Variants in ADGRL3 observed in about 807,000 individuals in gnomAD.
ADGRL3 encodes calcium-independent alpha-latrotoxin receptor 3.
In ADGRL3, 62 loss-of-function variants were observed where a neutral mutation model predicts 153.5. The observed-to-expected ratio is 0.40, with a 90% CI of 0.33 to 0.50. The LOEUF is 0.50. ADGRL3 is among the 20% of genes least tolerant of loss of function. The probability of loss-of-function intolerance (pLI) is 0.47; values close to 1 mark genes in which losing one functional copy is unlikely to be tolerated. For missense variants in ADGRL3, 1,641 were observed against 1,859.4 expected, an observed-to-expected ratio of 0.88 and a Z score of 2.16; for synonymous variants, 710 against 672.5, an observed-to-expected ratio of 1.06 and a Z score of -0.86.
rs549934748 is a variant in ADGRL3, at chr4:62,070,717, T to G, written c.4441T>G (p.Cys1481Gly). The G allele has an allele frequency of 1.1e-5, 17 of 1,551,460 alleles. No individual in the cohort carries two copies. Among genetic ancestry groups the G allele is most frequent in the African/African-American group, 1.4e-5 (1 of 73,122 alleles). ...CCAGACCGAACCCCCACCGGCCAAA[T>G]GTGGTGATGCCGAAGATGTTTACTA... ...STQTEPPPAKCGDAEDVYYKS... is the reference protein window; with the variant it reads ...STQTEPPPAKGGDAEDVYYKS... The change falls in exon 27 of 27, where the codon TGT becomes GGT. Residue 1481 changes from cysteine (C) to glycine (G), a missense_variant. Cys to Gly is a radical substitution (Grantham distance 159). Coordinates refer to ENST00000683033, the MANE Select transcript of ADGRL3 (RefSeq NM_001387552.1).
At chr4:61,641,555 C>A (rs1157256022) in intron 5 of ADGRL3, among the ~76,000 whole-genome samples, 1 of 149,890 alleles carries the variant, frequency 6.7e-6, no homozygotes, top group Non-Finnish European at 1.5e-5. Context: ...TTTGTTCTTG[C>A]GATAGTTTAC....
At chr4:61,392,666 C>T (rs1476214594) in intron 2 of ADGRL3, among the ~76,000 whole-genome samples, 4 of 60,160 alleles carry the variant, frequency 6.6e-5, no homozygotes, top group African/African-American at 2.3e-4. Context: ...AGCCTGGTGA[C>T]AGAGCGAGAC....
intron 6 of ADGRL3, among the ~76,000 whole-genome samples, chr4:61,678,163 T>C (rs1423460389): frequency 6.6e-6 from 1 of 151,964 alleles, no homozygotes; most frequent in Non-Finnish European, 1.5e-5. Context: ...ACTAGTGATA[T>C]TTTAAGGAAA....
At chr4:61,833,350 T>C (rs1237295795) in intron 9 of ADGRL3, among the ~76,000 whole-genome samples, 3 of 152,122 alleles carry the variant, frequency 2.0e-5, no homozygotes, top group Non-Finnish European at 4.4e-5. Flanking sequence ...GACAGGGGAA[T>C]TGCAATAGAG....
intron 9 of ADGRL3, among the ~76,000 whole-genome samples, chr4:61,857,006 T>TCTC (rs2098280289): frequency 6.2e-5 from 7 of 112,628 alleles, no homozygotes; most frequent in African/African-American, 1.4e-4. Context: ...CTTTCTTTCT[T>TCTC]TCTTTCTTTC....
At chr4:61,522,556 C>T (rs1251344680) in intron 4 of ADGRL3, among the ~76,000 whole-genome samples, 2 of 152,062 alleles carry the variant, frequency 1.3e-5, no homozygotes, top group Non-Finnish European at 2.9e-5. Context: ...CTGTTAGGAG[C>T]AGGAAAAGGG....
intron 9 of ADGRL3, among the ~76,000 whole-genome samples, chr4:61,843,268 G>A (rs1048692940): frequency 1.3e-5 from 2 of 152,152 alleles, no homozygotes; most frequent in African/African-American, 2.4e-5. Flanking sequence ...ATGTAGGAGA[G>A]GCTGATAATG....
intron 21 of ADGRL3, among the ~76,000 whole-genome samples, chr4:62,019,170 C>A (rs931311230): frequency 6.6e-6 from 1 of 152,068 alleles, no homozygotes; most frequent in Admixed American, 6.5e-5. Flanking sequence ...ATTTTTAAAT[C>A]CTTTATATAT....
intron 25 of ADGRL3, among the ~76,000 whole-genome samples, chr4:62,061,521 G>A (rs566826988): frequency 8.6e-5 from 13 of 151,856 alleles, no homozygotes; most frequent in Non-Finnish European, 1.6e-4. Context: ...GTAAGTTCAT[G>A]TTTACACCAT....
At chr4:61,980,764 T>C (rs1233247739) in intron 18 of ADGRL3, among the ~76,000 whole-genome samples, 1 of 152,088 alleles carries the variant, frequency 6.6e-6, no homozygotes, top group Non-Finnish European at 1.5e-5. Flanking sequence ...AATGGTCATA[T>C]ATATTTGAAT....
chr4:61,466,707 A>G (rs1021425051), intron 2 of ADGRL3, among the ~76,000 whole-genome samples: 8 of 152,198 alleles, frequency 5.3e-5, no homozygotes, highest in African/African-American at 1.7e-4. Flanking sequence ...TGTTGAATGA[A>G]TGAACACCAT....
rs184839812 is a variant in ADGRL3 at position 61,856,962 on chromosome 4, T to G, written c.1481-35694T>G. 6.6e-4 allele frequency among the ~76,000 whole-genome samples: 59 copies of G among 89,634 alleles called. No homozygotes were observed. In the East Asian group the frequency reaches 0.02, roughly 30 times the overall value. 58.8% of individuals were successfully genotyped at this position (89,634 alleles called of 152,430 possible). A position where few individuals can be genotyped will look rare whatever the true frequency, so the allele number is the denominator to read the frequency against. On this transcript the variant is annotated intron_variant, in intron 9 of 26. Transcript: ENST00000683033. The stretch of plus-strand genomic sequence containing the variant: ...CCTCTTTCTTCTTCTCTTTCTTTCT[T>G]TCTTTCTTTCTTTCTTTCTTTCTTT...
intron 5 of ADGRL3, among the ~76,000 whole-genome samples, chr4:61,617,424 T>A (rs1177429650): frequency 1.3e-5 from 2 of 152,102 alleles, no homozygotes; most frequent in African/African-American, 4.8e-5. Flanking sequence ...CATGGTAAAG[T>A]AAAAAAAACT....
At position 61,200,838 on chromosome 4, in the gene ADGRL3, G is replaced by A. The variant is rs1056436874; in HGVS notation, c.-1167G>A. 6.6e-5 allele frequency among the ~76,000 whole-genome samples: 10 copies of A among 151,382 alleles called. No homozygotes were observed. Among genetic ancestry groups the A allele is most frequent in the Admixed American group, 3.9e-4 (6 of 15,244 alleles). On this transcript the variant is annotated 5_prime_UTR_variant, in exon 1 of 27. It removes an upstream start codon present in the reference 5' UTR. Coordinates refer to ENST00000683033, the MANE Select transcript of ADGRL3 (RefSeq NM_001387552.1). ...GGGCCGCGCGATGAAGCTCCCACAT[G>A]CCCGCAGCTGCCCGGCCCGGCCGGC... is the stretch of plus-strand genomic sequence containing the variant.
intron 2 of ADGRL3, among the ~76,000 whole-genome samples, chr4:61,456,442 T>G (rs1414902851): frequency 1.6e-5 from 2 of 124,654 alleles, no homozygotes; most frequent in African/African-American, 3.2e-5. Flanking sequence ...TATATATAGA[T>G]ATATCTATAT....
At chr4:61,971,390 G>A (rs995480941) in intron 17 of ADGRL3, among the ~76,000 whole-genome samples, 1 of 152,026 alleles carries the variant, frequency 6.6e-6, no homozygotes, top group Non-Finnish European at 1.5e-5. Context: ...TCCCATCTAT[G>A]AGTGAGAACA....
chr4:61,907,119 C>T (rs766665228), intron 11 of ADGRL3, among the ~76,000 whole-genome samples: 4 of 151,800 alleles, frequency 2.6e-5, no homozygotes, highest in Non-Finnish European at 5.9e-5. Context: ...TGGATCTTGC[C>T]CAAGAAAGAA....
intron 23 of ADGRL3, among the ~76,000 whole-genome samples, chr4:62,035,406 T>C (rs1030047777): frequency 2.0e-5 from 3 of 152,066 alleles, no homozygotes; most frequent in Non-Finnish European, 2.9e-5. Flanking sequence ...GAAATATTTG[T>C]TTAGGTTTAC....
At position 61,780,102 on chromosome 4, in the gene ADGRL3, G is replaced by A. The variant is rs144834529; in HGVS notation, c.1400-33707G>A. Among the ~76,000 whole-genome samples, 9 of 152,292 alleles carry A rather than the reference G, an allele frequency of 5.9e-5. No individual in the cohort carries two copies. The East Asian group carries it at 1.3e-3, about 23-fold the overall frequency. On this transcript the variant is annotated intron_variant, in intron 8 of 26. Coordinates refer to ENST00000683033, the MANE Select transcript of ADGRL3 (RefSeq NM_001387552.1). Reference sequence around the variant, plus strand: ...TATTAATCTATTAAGAAGCTGTGGAGCAATATATATATACTACCTTCCTCT... The same window carrying A: ...TATTAATCTATTAAGAAGCTGTGGAACAATATATATATACTACCTTCCTCT...
Sources: gnomAD v4.1 joint callset for allele counts (sites outside exome capture counted in the v4.1 genomes callset) on GRCh38, gnomAD v4.1.1 for gene constraint, MANE v1.5 for transcripts, NCBI Gene and HGNC (gene_info 2026-07-23, HGNC 2026-07-21) for gene names.